The following COL25A1 variants were observed in gnomAD, a reference collection of about 807,000 sequenced individuals.
The protein encoded by COL25A1 is collagen alpha-1(XXV) chain.
In COL25A1, 103 loss-of-function variants were observed where a neutral mutation model predicts 128.4. The observed-to-expected ratio is 0.80, with a 90% CI of 0.68 to 0.94. The LOEUF is 0.94. Ranked by LOEUF, COL25A1 falls within the 40% of genes least tolerant of loss-of-function variation. The pLI is 0.00. For synonymous variants in COL25A1, 279 were observed against 277.2 expected (o/e 1.01, Z -0.06); for missense variants, 745 against 840.0 (o/e 0.89, Z 1.40).
At chr4:109,095,365 A>G (rs981659677) in intron 3 of COL25A1, among the ~76,000 whole-genome samples, 5 of 152,346 alleles carry the variant, frequency 3.3e-5, no homozygotes, top group Admixed American at 2.6e-4. Context: ...TTATCAAAAT[A>G]TACTGGTGTT....
intron 18 of COL25A1, among the ~76,000 whole-genome samples, chr4:108,886,656 T>A (rs1740865350): frequency 6.6e-6 from 1 of 152,108 alleles, no homozygotes; most frequent in Non-Finnish European, 1.5e-5. Context: ...AAGAACTCAA[T>A]TTGGGGATGC....
intron 8 of COL25A1, among the ~76,000 whole-genome samples, chr4:108,944,479 G>A (rs535953912): frequency 6.6e-6 from 1 of 152,198 alleles, no homozygotes; most frequent in East Asian, 1.9e-4. Context: ...CAAACAAGAA[G>A]TCTATGAGGG....
chr4:108,863,574 T>C (rs1470761087), intron 20 of COL25A1, among the ~76,000 whole-genome samples, 187 bp from the exon 21 acceptor site: 1 of 152,218 alleles, frequency 6.6e-6, no homozygotes, highest in Non-Finnish European at 1.5e-5. Flanking sequence ...TTTGTGATGG[T>C]TAATTTTAGG....
At chr4:109,284,611 A>G (rs1455463079) in intron 3 of COL25A1, among the ~76,000 whole-genome samples, 1 of 152,212 alleles carries the variant, frequency 6.6e-6, no homozygotes, top group Admixed American at 6.5e-5. Context: ...CTCTGTGCTG[A>G]ACTTTCTCAC....
intron 11 of COL25A1, among the ~76,000 whole-genome samples, chr4:108,931,772 C>T (rs1205725566): frequency 6.6e-6 from 1 of 152,134 alleles, no homozygotes; most frequent in Non-Finnish European, 1.5e-5. Context: ...AAATAGAAGG[C>T]ATCACTTGTC....
At chr4:109,142,366 T>C (rs1578271666) in intron 3 of COL25A1, among the ~76,000 whole-genome samples, 1 of 152,206 alleles carries the variant, frequency 6.6e-6, no homozygotes. Flanking sequence ...ATAAGTGCGA[T>C]GTAGTGCTGA....
intron 3 of COL25A1, among the ~76,000 whole-genome samples, chr4:109,216,263 AG>A (rs1283304487): frequency 1.3e-4 from 18 of 142,250 alleles, no homozygotes; most frequent in African/African-American, 3.1e-4. Flanking sequence ...GAAGGAAGGA[AG>A]GAAAAAAAGG....
chr4:108,837,348 A>G (rs1174908781), intron 31 of COL25A1, among the ~76,000 whole-genome samples: 1 of 152,084 alleles, frequency 6.6e-6, no homozygotes, highest in Non-Finnish European at 1.5e-5. Flanking sequence ...GTTGATTTGT[A>G]TCTGTATTCA....
At chr4:109,011,136 CCTT>C (rs1396018207) in intron 5 of COL25A1, among the ~76,000 whole-genome samples, 3 of 152,190 alleles carry the variant, frequency 2.0e-5, no homozygotes, top group Non-Finnish European at 4.4e-5. Context: ...TTTCATATCA[CCTT>C]CTTAAAATCT....
intron 5 of COL25A1, among the ~76,000 whole-genome samples, chr4:109,045,653 G>T (rs1466481795): frequency 2.6e-5 from 4 of 151,996 alleles, no homozygotes; most frequent in African/African-American, 4.8e-5. Context: ...CATGATATTG[G>T]GTCCTAAGTA....
chr4:109,268,873 C>T (rs180743364), intron 3 of COL25A1, among the ~76,000 whole-genome samples: 43 of 152,200 alleles, frequency 2.8e-4, no homozygotes, highest in Non-Finnish European at 4.9e-4. Context: ...TAGCTCCCTC[C>T]GTCATGGTTA....
At chr4:109,187,332 A>C (rs1775235156) in intron 3 of COL25A1, among the ~76,000 whole-genome samples, 1 of 152,190 alleles carries the variant, frequency 6.6e-6, no homozygotes. Context: ...TTTAAGATGG[A>C]TGTTCAGTCA....
At chr4:109,203,980 C>T (rs1776777119) in intron 3 of COL25A1, among the ~76,000 whole-genome samples, 1 of 152,142 alleles carries the variant, frequency 6.6e-6, no homozygotes, top group Admixed American at 6.6e-5. Context: ...GCAGGAATAA[C>T]AGAATAAAAT....
At chr4:109,278,203 T>C (rs963369659) in intron 3 of COL25A1, among the ~76,000 whole-genome samples, 3 of 152,154 alleles carry the variant, frequency 2.0e-5, no homozygotes, top group African/African-American at 7.2e-5. Flanking sequence ...TCAGGTCACC[T>C]CTCTACAGCA....
chr4:109,221,320 G>C (rs976186466), intron 3 of COL25A1, among the ~76,000 whole-genome samples: 4 of 152,052 alleles, frequency 2.6e-5, no homozygotes, highest in African/African-American at 9.7e-5. Flanking sequence ...CTTTAAATCA[G>C]AGTAGAATGA....
chr4:108,862,650 C>T (rs148057174), intron 21 of COL25A1, 105 bp from the exon 22 acceptor site: 18 of 918,474 alleles, frequency 2.0e-5, no homozygotes, highest in African/African-American at 1.8e-4. Flanking sequence ...AAAATGGAAA[C>T]ACTTTATTTT....
intron 5 of COL25A1, among the ~76,000 whole-genome samples, chr4:109,037,717 G>A (rs1759487929): frequency 6.6e-6 from 1 of 152,194 alleles, no homozygotes; most frequent in Non-Finnish European, 1.5e-5. Flanking sequence ...AGCCATGTGT[G>A]CCCTAAGTCT....
chr4:109,062,857 A>C (rs1762095831), intron 3 of COL25A1, among the ~76,000 whole-genome samples: 1 of 152,220 alleles, frequency 6.6e-6, no homozygotes, highest in South Asian at 2.1e-4. Context: ...ACTATAAATA[A>C]CATAAATCCC....
At chr4:109,160,015 G>T (rs1346741264) in intron 3 of COL25A1, among the ~76,000 whole-genome samples, 3 of 152,078 alleles carry the variant, frequency 2.0e-5, no homozygotes, top group Admixed American at 6.6e-5. Context: ...CTTCAAAGAG[G>T]TCACAGTGTA....
Sources: allele counts gnomAD v4.1 joint callset (sites outside exome capture counted in the v4.1 genomes callset), GRCh38; gene constraint gnomAD v4.1.1; transcripts MANE v1.5; gene names NCBI Gene and HGNC (gene_info 2026-07-23, HGNC 2026-07-21).